The following DNAH5 variants were observed in gnomAD, a reference collection of about 807,000 sequenced individuals.
DNAH5 encodes the protein dynein axonemal heavy chain 5.
Under a neutral mutation model 518.2 loss-of-function variants are expected in DNAH5, and 372 were observed. The ratio of observed to expected loss-of-function variants is 0.72; its 90% CI spans 0.66 to 0.78. The LOEUF (loss-of-function observed/expected upper bound fraction) is 0.78. Among genes scored for constraint, DNAH5 ranks in the 30% least tolerant of loss-of-function variants. The pLI is 0.00. For missense variants in DNAH5, 5,523 were observed against 5,687.0 expected (o/e 0.97, Z 0.93); for synonymous variants, 2,039 against 2,025.9 (o/e 1.01, Z -0.17).
intron 1 of DNAH5, among the ~76,000 whole-genome samples, chr5:13,933,406 CATATT>C (rs1778609729): frequency 6.6e-6 from 1 of 152,114 alleles, no homozygotes; most frequent in African/African-American, 2.4e-5. Context: ...TTCTAACAAA[CATATT>C]GAAATGAAAA....
intron 59 of DNAH5, among the ~76,000 whole-genome samples, chr5:13,764,047 T>C (rs1752155232): frequency 1.3e-5 from 2 of 152,200 alleles, no homozygotes; most frequent in South Asian, 2.1e-4. Context: ...ACTTGAGCAA[T>C]GCTGAATTGA....
At chr5:13,789,105 T>C (rs1207406105) in intron 50 of DNAH5, among the ~76,000 whole-genome samples, 191 bp from the exon 51 acceptor site, 5 of 152,224 alleles carry the variant, frequency 3.3e-5, no homozygotes, top group African/African-American at 1.2e-4. Context: ...AGTAGTCTAT[T>C]TATTTGCAGT....
intron 1 of DNAH5, among the ~76,000 whole-genome samples, chr5:14,000,100 C>T (rs1269667427): frequency 6.6e-6 from 1 of 151,882 alleles, no homozygotes; most frequent in Non-Finnish European, 1.5e-5. Flanking sequence ...AAGGTGTAGC[C>T]TTCTTTGGAA....
At chr5:13,928,825 A>T (rs1301646518) in intron 2 of DNAH5, among the ~76,000 whole-genome samples, 1 of 152,246 alleles carries the variant, frequency 6.6e-6, no homozygotes, top group Non-Finnish European at 1.5e-5. Context: ...GATGGCTACC[A>T]CCAAAAAACA....
chr5:13,922,137 C>T lies in DNAH5; in HGVS notation c.630G>A (p.Leu210=), dbSNP rs1428658834. 1 of 1,614,108 alleles carries T rather than the reference C, an allele frequency of 6.2e-7. No individual in the cohort carries two copies. The change falls in exon 5 of 79, where the codon CTG becomes CTA. Residue 210 remains leucine (L), a synonymous_variant. Coordinates refer to ENST00000265104, the MANE Select transcript of DNAH5 (RefSeq NM_001369.3). ...LSSLEGFVNV[L]SGAQESLKEK... ...CCTTCAGACTCTCCTGTGCACCCGA[C>T]AGGACGTTCACAAAGCCTTCCAGGG...
chr5:14,004,801 T>A lies in DNAH5; in HGVS notation c.12+6847A>T, dbSNP rs75718573. 4.6e-3 allele frequency among the ~76,000 whole-genome samples: 700 copies of A among 152,348 alleles called. 4 individuals carry two copies. The highest frequency in any genetic ancestry group is 0.016 in the African/African-American group (659 of 41,586). On this transcript the variant is annotated intron_variant, in intron 1 of 78. Transcript: ENST00000681290. ...CATTAGCTGTGTGACTTTAGGCAACTGACTTAACCTCTCTGAGCTTTGGTT... is the reference window on the plus strand; with the variant it reads ...CATTAGCTGTGTGACTTTAGGCAACAGACTTAACCTCTCTGAGCTTTGGTT...
At chr5:13,879,103 C>T (rs1289581316) in intron 21 of DNAH5, among the ~76,000 whole-genome samples, 1 of 152,128 alleles carries the variant, frequency 6.6e-6, no homozygotes, top group Non-Finnish European at 1.5e-5. Flanking sequence ...GAGATCCTCC[C>T]ACATGAGGTC....
rs868104605 is a variant in DNAH5, at chr5:13,851,667, T to C, written c.4951-852A>G. On this transcript the variant is annotated intron_variant, in intron 30 of 78. Transcript: ENST00000265104. The stretch of plus-strand genomic sequence containing the variant: ...GTATGTCACCAATGAGTATATACCA[T>C]CAAATATGAAAGGAAGAAACAACAC... Among the ~76,000 whole-genome samples the C allele has an allele frequency of 3.9e-5, 6 of 152,054 alleles. No individual in the cohort carries two copies. In the South Asian group the frequency reaches 1.2e-3, roughly 32 times the overall value.
chr5:13,856,076 A>G (rs571063348), intron 30 of DNAH5, among the ~76,000 whole-genome samples: 3 of 152,336 alleles, frequency 2.0e-5, no homozygotes, highest in South Asian at 4.1e-4. Flanking sequence ...CTAACATCAC[A>G]ATTAAAAGAA....
At chr5:13,874,458 T>C (rs1046251495) in intron 22 of DNAH5, among the ~76,000 whole-genome samples, 1 of 152,200 alleles carries the variant, frequency 6.6e-6, no homozygotes, top group African/African-American at 2.4e-5. Flanking sequence ...GAACTACATA[T>C]GTAGAGTTGT....
chr5:13,930,339 G>A (rs959337681), intron 2 of DNAH5, among the ~76,000 whole-genome samples: 2 of 152,114 alleles, frequency 1.3e-5, no homozygotes, highest in African/African-American at 4.8e-5. Context: ...ACAGAAATTA[G>A]CAGATTTTCA....
chr5:13,964,175 T>A (rs1008104166), intron 1 of DNAH5, among the ~76,000 whole-genome samples: 1 of 152,038 alleles, frequency 6.6e-6, no homozygotes, highest in Non-Finnish European at 1.5e-5. Flanking sequence ...ACACTTGACT[T>A]TTTTTTTCCT....
intron 32 of DNAH5, among the ~76,000 whole-genome samples, chr5:13,843,842 A>G (rs551070337): frequency 1.3e-5 from 2 of 152,350 alleles, no homozygotes; most frequent in East Asian, 3.9e-4. Flanking sequence ...CCTGATGGGC[A>G]TTCTCACGTT....
At chr5:14,004,275 C>A (rs530029639) in intron 1 of DNAH5, among the ~76,000 whole-genome samples, 3 of 152,126 alleles carry the variant, frequency 2.0e-5, no homozygotes, top group Non-Finnish European at 4.4e-5. Context: ...TATCAGGCCA[C>A]ATGGAGAGCA....
chr5:13,946,405 G>C (rs764778940), upstream of DNAH5, among the ~76,000 whole-genome samples: 7 of 152,136 alleles, frequency 4.6e-5, no homozygotes, highest in Non-Finnish European at 7.4e-5. Flanking sequence ...GCGTCTTAAG[G>C]TATCTTCTTG....
chr5:13,750,985 C>T (rs1750131338), intron 65 of DNAH5, 93 bp downstream of exon 65: 2 of 1,364,240 alleles, frequency 1.5e-6, no homozygotes, highest in Admixed American at 1.9e-5. Flanking sequence ...AGGAGAGAAA[C>T]TCAGTCCTAT....
At chr5:13,786,378 A>G (rs200694019) in intron 51 of DNAH5, 27 bp from the exon 52 acceptor site, 419 of 1,610,202 alleles carry the variant, frequency 2.6e-4, no homozygotes, top group Admixed American at 3.3e-4. Context: ...GAATCAGTTA[A>G]GTTTCTGCAA....
intron 5 of DNAH5, among the ~76,000 whole-genome samples, chr5:13,921,446 C>G (rs918383212): frequency 2.1e-5 from 3 of 144,432 alleles, no homozygotes; most frequent in African/African-American, 7.7e-5. Flanking sequence ...GTCTCTCTCT[C>G]TCTCTCTCTC....
Position 13,692,114 on chromosome 5 carries a change from T to C in DNAH5, c.13745A>G (p.Tyr4582Cys), listed in dbSNP as rs749862482. The change falls in exon 79 of 79, where the codon TAC becomes TGC. Residue 4582 changes from tyrosine (Y) to cysteine (C), a missense_variant. By Grantham distance (194) the Tyr-to-Cys change is radical. Around this residue, in one of 3 missense-constraint regions of DNAH5, gnomAD observed 387 missense variants for 430.0 expected, o/e 0.90. Coordinates refer to ENST00000265104, the MANE Select transcript of DNAH5 (RefSeq NM_001369.3). ...ENNTLRDPRF[Y>C]SCPIYKKPVR... is the part of the protein sequence containing the mutation. ...TGGCTTCTTATAGATGGGACAGGAGTAAAACCGAGGATCTCGTAAAGCTAC... is the reference window on the plus strand; with the variant it reads ...TGGCTTCTTATAGATGGGACAGGAGCAAAACCGAGGATCTCGTAAAGCTAC... 1.1e-5 allele frequency: 17 copies of C among 1,613,632 alleles called. No homozygotes were observed. The highest frequency in any genetic ancestry group is 1.7e-5 in the Admixed American group (1 of 59,966).
Sources: allele counts gnomAD v4.1 joint callset (sites outside exome capture counted in the v4.1 genomes callset), GRCh38; gene constraint gnomAD v4.1.1; regional missense constraint gnomAD v4.1.1; transcripts MANE v1.5; gene names NCBI Gene and HGNC (gene_info 2026-07-23, HGNC 2026-07-21).